FBXL2: variants seen among roughly 807,000 people sequenced by gnomAD.
The protein encoded by FBXL2 is F-box and leucine rich repeat protein 2.
In FBXL2, 38 loss-of-function variants were observed where a neutral mutation model predicts 69.2. The observed-to-expected ratio is 0.55, with a 90% CI of 0.42 to 0.72. The LOEUF (loss-of-function observed/expected upper bound fraction) is 0.72. FBXL2 is among the 30% of genes least tolerant of loss of function. The pLI is 0.00. For synonymous variants in FBXL2, 192 were observed against 201.3 expected (o/e 0.95, Z 0.39); for missense variants, 354 against 520.3 (o/e 0.68, Z 3.11).
chr3:33,421,111 TA>T, the FBXL2 span, among the ~76,000 whole-genome samples: 2 of 152,196 alleles, frequency 1.3e-5, no homozygotes, highest in East Asian at 3.9e-4. Flanking sequence ...CCCCAGCTGT[TA>T]AGACAAAAGG....
chr3:33,364,762 A>C (rs1042577201), intron 5 of FBXL2, 43 bp downstream of exon 5: 3 of 1,505,504 alleles, frequency 2.0e-6, no homozygotes, highest in Non-Finnish European at 2.8e-6. Flanking sequence ...AGCTTGTAGC[A>C]TTTTCATCAG....
intron 4 of FBXL2, among the ~76,000 whole-genome samples, chr3:33,360,993 G>A (rs981050779): frequency 1.2e-4 from 17 of 138,352 alleles, no homozygotes; most frequent in Admixed American, 3.1e-4. Flanking sequence ...GTGCAGTGGC[G>A]TGGTCTCGGC....
intron 5 of FBXL2, among the ~76,000 whole-genome samples, chr3:33,371,197 C>T (rs1433896695): frequency 6.8e-6 from 1 of 147,398 alleles, no homozygotes; most frequent in Non-Finnish European, 1.5e-5. Context: ...TGGAGTCTCG[C>T]TCTGTGGCCC....
intron 1 of FBXL2, among the ~76,000 whole-genome samples, chr3:33,291,090 C>T (rs1575091722): frequency 2.0e-5 from 3 of 152,058 alleles, no homozygotes; most frequent in South Asian, 2.1e-4. Flanking sequence ...CCACCATGCC[C>T]GACTAATTTT....
chr3:33,401,570 T>C (rs2044230032), intron 12 of FBXL2, among the ~76,000 whole-genome samples: 3 of 152,176 alleles, frequency 2.0e-5, no homozygotes, highest in Non-Finnish European at 4.4e-5. Context: ...GAAAAACAGC[T>C]CCACAGGGAA....
Position 33,378,088 on chromosome 3 carries a change from T to C in FBXL2, c.850-15T>C, listed in dbSNP as rs776616554. The stretch of plus-strand genomic sequence containing the variant: ...ACTGACTCACATGTGGGGTGTGTCT[T>C]GTGGACTCTTCCAGAATTGCCACGA... On this transcript the variant is annotated splice_polypyrimidine_tract_variant and intron_variant, in intron 11 of 14. Transcript: ENST00000484457. 1.3e-5 allele frequency: 21 copies of C among 1,613,976 alleles called. No individual in the cohort carries two copies. The highest frequency in any genetic ancestry group is 1.8e-5 in the Non-Finnish European group (21 of 1,179,916).
chr3:33,398,735 GAAACATGGA>G (rs1559670403), intron 12 of FBXL2, among the ~76,000 whole-genome samples: 1 of 152,222 alleles, frequency 6.6e-6, no homozygotes, highest in South Asian at 2.1e-4. Context: ...TCACCAGATA[GAAACATGGA>G]TTTGCCTGAT....
At chr3:33,300,919 G>A (rs1482298666) in intron 2 of FBXL2, among the ~76,000 whole-genome samples, 1 of 151,326 alleles carries the variant, frequency 6.6e-6, no homozygotes, top group Non-Finnish European at 1.5e-5. Flanking sequence ...GTTTCACCGT[G>A]GTCTCGATCT....
the FBXL2 span, chr3:33,408,881 C>G: frequency 8.3e-7 from 1 of 1,210,964 alleles, no homozygotes; most frequent in Non-Finnish European, 1.2e-6. Context: ...CTCTTCAGTC[C>G]AATTAAACAA....
At chr3:33,370,335 G>A (rs918679907) in intron 5 of FBXL2, among the ~76,000 whole-genome samples, 10 of 150,982 alleles carry the variant, frequency 6.6e-5, no homozygotes, top group Admixed American at 4.0e-4. Flanking sequence ...GGAGAATGGC[G>A]TGAACCCGGG....
chr3:33,411,864 T>C, the FBXL2 span, among the ~76,000 whole-genome samples: 2 of 151,784 alleles, frequency 1.3e-5, no homozygotes, highest in Non-Finnish European at 2.9e-5. Context: ...TATCATCGTT[T>C]CCCCTACCAT....
At chr3:33,364,454 G>T in intron 4 of FBXL2, 171 bp from the exon 5 acceptor site, 1 of 634,072 alleles carries the variant, frequency 1.6e-6, no homozygotes, top group Non-Finnish European at 2.8e-6. Flanking sequence ...TTCAGTGCTT[G>T]CAGCCCCTGT....
At chr3:33,416,046 T>A in the FBXL2 span, 1 of 152,080 alleles carries the variant, frequency 6.6e-6, no homozygotes, top group Non-Finnish European at 1.5e-5. Flanking sequence ...GTCTTTCCAA[T>A]AGAATGCCCC....
At chr3:33,402,765 G>C (rs2044277394) in intron 12 of FBXL2, 15 of 1,428,468 alleles carry the variant, frequency 1.1e-5, no homozygotes, top group Non-Finnish European at 1.4e-5. Flanking sequence ...ATGAGCATTA[G>C]TTAGCTGCAG....
Position 33,375,416 on chromosome 3 carries a change from G to A in FBXL2, c.786G>A (p.Leu262=), listed in dbSNP as rs2042572806. Reference sequence around the variant, plus strand: ...CCCTGGGTTTGAACTGTCCGCGACTGCAGTGAGTACACTGCACTTTTTGCT... The same window carrying A: ...CCCTGGGTTTGAACTGTCCGCGACTACAGTGAGTACACTGCACTTTTTGCT... ...LTALGLNCPR[L]QILEAARCSH... The change falls in exon 10 of 15, where the codon CTG becomes CTA. Residue 262 remains leucine (L), a splice_region_variant and synonymous_variant. Transcript: ENST00000484457. 6.2e-7 allele frequency: 1 copy of A among 1,613,586 alleles called. No homozygotes were observed. Among genetic ancestry groups the A allele is most frequent in the Non-Finnish European group, 8.5e-7 (1 of 1,179,674 alleles).
intron 12 of FBXL2, chr3:33,402,956 A>C: frequency 6.8e-7 from 1 of 1,463,726 alleles, no homozygotes; most frequent in Non-Finnish European, 9.4e-7. Context: ...AATATGTGGA[A>C]GAAATATTTT....
At chr3:33,373,748 T>G in intron 8 of FBXL2, 44 bp downstream of exon 8, 1 of 1,613,996 alleles carries the variant, frequency 6.2e-7, no homozygotes. Flanking sequence ...GTGTCAGGTG[T>G]GGGCACATCA....
rs574980643 is a variant in FBXL2 at position 33,277,612 on chromosome 3, G to T, written c.3+97G>T. 3.8e-4 allele frequency: 462 copies of T among 1,200,476 alleles called. 1 individual carries two copies. The African/African-American group carries it at 6.9e-3, about 18-fold the overall frequency. The allele number at this position is 1,200,476 out of a possible 1,614,324, so 74.4% of individuals were successfully genotyped here. A position where few individuals can be genotyped will look rare whatever the true frequency, so the allele number is the denominator to read the frequency against. Reference sequence around the variant, plus strand: ...CCGCTAGGGTCGGGCAGGCGGCGCAGGGGTCGTGGAGAGGCCGGGCCGCGG... The same window carrying T: ...CCGCTAGGGTCGGGCAGGCGGCGCATGGGTCGTGGAGAGGCCGGGCCGCGG... On this transcript the variant is annotated intron_variant, in intron 1 of 14. Transcript: ENST00000484457.
the FBXL2 span, among the ~76,000 whole-genome samples, chr3:33,416,468 A>G: frequency 6.6e-6 from 1 of 152,156 alleles, no homozygotes; most frequent in Non-Finnish European, 1.5e-5. Context: ...TCTTCCCCAT[A>G]TTATCTTTTA....
Sources: gnomAD v4.1 joint callset for allele counts (sites outside exome capture counted in the v4.1 genomes callset) on GRCh38, gnomAD v4.1.1 for gene constraint, MANE v1.5 for transcripts, NCBI Gene and HGNC (gene_info 2026-07-23, HGNC 2026-07-21) for gene names.